ADGRL1: variants seen among roughly 807,000 people sequenced by gnomAD.
The protein encoded by ADGRL1 is adhesion G protein-coupled receptor L1.
In ADGRL1, 31 loss-of-function variants were observed where a neutral mutation model predicts 148.9. The ratio of observed to expected loss-of-function variants is 0.21; its 90% CI spans 0.16 to 0.28. The LOEUF is 0.28. Among genes scored for constraint, ADGRL1 ranks in the 10% least tolerant of loss-of-function variants. ADGRL1 has a pLI of 1.00. For missense variants in ADGRL1, 1,521 were observed against 2,058.8 expected (o/e 0.74, Z 5.05); for synonymous variants, 937 against 900.3 (o/e 1.04, Z -0.73).
rs1967920960 is a variant in ADGRL1 at position 14,149,341 on chromosome 19, C to T, written c.*1532G>A. ...AGGGAAGGTGATCTCTCACCTTTGC[C>T]CCTCCCCATCCCCCAGACCGCCTTG... On this transcript the variant is annotated 3_prime_UTR_variant, in exon 23 of 23. Coordinates refer to ENST00000361434, the MANE Select transcript of ADGRL1 (RefSeq NM_014921.5). The T allele has an allele frequency of 6.6e-6, 1 of 152,506 alleles. No individual in the cohort carries two copies. Among genetic ancestry groups the T allele is most frequent in the African/African-American group, 2.4e-5 (1 of 41,446 alleles). 9.4% of individuals were successfully genotyped at this position (152,506 alleles called of 1,614,324 possible). A position where few individuals can be genotyped will look rare whatever the true frequency, so the allele number is the denominator to read the frequency against.
At position 14,151,008 on chromosome 19, in the gene ADGRL1, G is replaced by T; in HGVS notation, c.4275C>A (p.Ala1425=). Residue 1425 remains alanine (A), a synonymous_variant, in exon 23 of 23, where the codon GCC becomes GCA. Coordinates refer to ENST00000361434, the MANE Select transcript of ADGRL1 (RefSeq NM_014921.5). ...PEIYYTSRPP[A]LVARNPLQGY... is the part of the protein sequence containing the mutation. ...CCTGCAGGGGATTCCGGGCCACCAG[G>T]GCTGGCGGGCGCGAGGTGTAGTAGA... 6.3e-7 allele frequency: 1 copy of T among 1,577,930 alleles called. No individual in the cohort carries two copies. Among genetic ancestry groups the T allele is most frequent in the Admixed American group, 1.8e-5 (1 of 54,736 alleles).
intron 16 of ADGRL1, 128 bp from the exon 17 acceptor site, chr19:14,156,329 C>T (rs1340072332): frequency 4.0e-6 from 3 of 756,706 alleles, no homozygotes; most frequent in Non-Finnish European, 6.7e-6. Flanking sequence ...AACCCCGTAC[C>T]TGCCCCTGAG....
chr19:14,184,286 CAGGCGGGGTGGG>C (rs1256278513), intron 1 of ADGRL1, among the ~76,000 whole-genome samples: 1 of 152,142 alleles, frequency 6.6e-6, no homozygotes, highest in African/African-American at 2.4e-5. Context: ...TGGAGACAGG[CAGGCGGGGTGGG>C]AGGCGGACAC....
chr19:14,183,226 A>AGAGAGAGAGAGAGAGAGAGAGAGAGG (rs1568616307), intron 2 of ADGRL1, among the ~76,000 whole-genome samples: 1 of 144,628 alleles, frequency 6.9e-6, no homozygotes, highest in Non-Finnish European at 1.6e-5. Context: ...AGCGAGAGAG[A>AGAGAGAGAGAGAGAGAGAGAGAGAGG]GACAGAGAGA....
chr19:14,152,815 C>T lies in ADGRL1; in HGVS notation c.3392G>A (p.Arg1131Gln), dbSNP rs1044476697. 5 of 1,614,004 alleles carry T rather than the reference C, an allele frequency of 3.1e-6. No homozygotes were observed. Among genetic ancestry groups the T allele is most frequent in the Admixed American group, 1.7e-5 (1 of 59,996 alleles). ...THGSLKTSAM[R>Q]SNTRYYTGTQ... Reference sequence around the variant, plus strand: ...CCCTGTGTAGTAGCGGGTGTTGCTTCGCATGGCTGAGGTCTTGAGGGATCC... The same window carrying T: ...CCCTGTGTAGTAGCGGGTGTTGCTTTGCATGGCTGAGGTCTTGAGGGATCC... The change falls in exon 19 of 23, where the codon CGA becomes CAA. Residue 1131 changes from arginine (R) to glutamine (Q), a missense_variant. By Grantham distance (43) the Arg-to-Gln change is conservative. Around this residue, in one of 8 missense-constraint regions of ADGRL1, gnomAD observed 185 missense variants for 251.7 expected, o/e 0.74. Coordinates refer to ENST00000361434, the MANE Select transcript of ADGRL1 (RefSeq NM_014921.5). The surrounding 1 kb of genome is among the most constrained non-coding windows in gnomAD (Gnocchi z 6.1).
intron 4 of ADGRL1, among the ~76,000 whole-genome samples, chr19:14,165,349 C>T (rs554210650): frequency 4.6e-4 from 70 of 152,314 alleles, no homozygotes; most frequent in East Asian, 2.5e-3. Context: ...CAAGCCGGTC[C>T]CCACCCCCAC....
chr19:14,195,609 G>T (rs1469530332), intron 1 of ADGRL1, among the ~76,000 whole-genome samples: 1 of 152,036 alleles, frequency 6.6e-6, no homozygotes, highest in African/African-American at 2.4e-5. Context: ...AAACCCAGCC[G>T]CCCATGAGCC....
At chr19:14,165,013 C>T (rs545118816) in intron 4 of ADGRL1, among the ~76,000 whole-genome samples, 24 of 152,212 alleles carry the variant, frequency 1.6e-4, no homozygotes, top group African/African-American at 5.5e-4. Context: ...CCGAGGGGAT[C>T]GGGGGGCTGG....
chr19:14,162,485 T>A lies in ADGRL1; in HGVS notation c.1195+121A>T. On this transcript the variant is annotated intron_variant, in intron 5 of 22. Coordinates refer to ENST00000361434, the MANE Select transcript of ADGRL1 (RefSeq NM_014921.5). This position sits in a 1 kb window ranked among gnomAD's most constrained non-coding sequence, Gnocchi z 5.4. ...CGTCTGTCACATGCTGTGAATTTCC[T>A]TTACCTCCCGATCCCCAAGAGCTCA... 1.2e-6 allele frequency: 1 copy of A among 832,564 alleles called. No homozygotes were observed. The highest frequency in any genetic ancestry group is 1.9e-6 in the Non-Finnish European group (1 of 527,054). The allele number at this position is 832,564 out of a possible 1,614,324, so 51.6% of individuals were successfully genotyped here. A position where few individuals can be genotyped will look rare whatever the true frequency, so the allele number is the denominator to read the frequency against.
intron 1 of ADGRL1, among the ~76,000 whole-genome samples, chr19:14,199,512 G>A (rs1392675012): frequency 4.6e-5 from 7 of 151,814 alleles, no homozygotes; most frequent in Admixed American, 1.3e-4. Context: ...GCTCACCACA[G>A]CCTCTGAGCT....
In ADGRL1 at chr19:14,155,839, T is replaced by A; in HGVS notation, c.3125+271A>T. The A allele has an allele frequency of 1.7e-6, 1 of 579,060 alleles. No homozygotes were observed. Among genetic ancestry groups the A allele is most frequent in the South Asian group, 2.1e-5 (1 of 47,016 alleles). 35.9% of individuals were successfully genotyped at this position (579,060 alleles called of 1,614,324 possible). A position where few individuals can be genotyped will look rare whatever the true frequency, so the allele number is the denominator to read the frequency against. The stretch of plus-strand genomic sequence containing the variant: ...ATTTGCTGCCTATTTCTCTTTAAGT[T>A]GCCCTTAAACAGACTCACCTTTTGA... On this transcript the variant is annotated intron_variant, in intron 17 of 22. Transcript: ENST00000361434. The surrounding 1 kb of genome is among the most constrained non-coding windows in gnomAD (Gnocchi z 5.0).
rs1968082793 is a variant in ADGRL1 at position 14,150,819 on chromosome 19, G to A, written c.*54C>T. ...TGTCTCCCTCTCCCACCAGAGCCCT[G>A]CCCAGGGTTCCCTCCCTGGCCTGGG... On this transcript the variant is annotated 3_prime_UTR_variant, in exon 23 of 23. Transcript: ENST00000361434. 2 of 1,579,498 alleles carry A rather than the reference G, an allele frequency of 1.3e-6. No individual in the cohort carries two copies. The highest frequency in any genetic ancestry group is 2.2e-5 in the East Asian group (1 of 44,580).
chr19:14,167,119 T>A, intron 4 of ADGRL1: 1 of 1,139,994 alleles, frequency 8.8e-7, no homozygotes, highest in Non-Finnish European at 1.3e-6. Flanking sequence ...ATTAAATTGC[T>A]TTCGTTTCTT....
chr19:14,163,490 GA>G (rs1487671575), intron 4 of ADGRL1, 84 bp from the exon 5 acceptor site: 237 of 1,048,570 alleles, frequency 2.3e-4, no homozygotes, highest in South Asian at 9.1e-4. Flanking sequence ...GAGAGAGAGA[GA>G]GAGAGAGGGG....
chr19:14,177,553 C>T lies in ADGRL1; in HGVS notation c.262G>A (p.Ala88Thr), dbSNP rs202194686. ...MENVQCYLPD[A>T]FKIMSQRCNN... The stretch of plus-strand genomic sequence containing the variant: ...CACCTCTGTGACATGATCTTGAAGG[C>T]GTCCGGCAGGTAGCACTGCACATTC... The change falls in exon 3 of 23, where the codon GCC becomes ACC. Residue 88 changes from alanine (A) to threonine (T), a missense_variant. By Grantham distance (58) the Ala-to-Thr change is moderately conservative. Coordinates refer to ENST00000361434, the MANE Select transcript of ADGRL1 (RefSeq NM_014921.5). 9.0e-5 allele frequency: 146 copies of T among 1,614,070 alleles called. No homozygotes were observed. Among genetic ancestry groups the T allele is most frequent in the Non-Finnish European group, 1.2e-4 (138 of 1,180,036 alleles).
In ADGRL1 at chr19:14,158,486, G is replaced by A; in HGVS notation, c.2216C>T (p.Thr739Ile). The change falls in exon 12 of 23, where the codon ACA (threonine) becomes ATA (isoleucine). Residue 739 changes from threonine to isoleucine, a missense_variant. Physicochemically the swap from Thr to Ile is moderately conservative, Grantham distance 89 (BLOSUM62 -1). Around this residue, in one of 8 missense-constraint regions of ADGRL1, gnomAD observed 265 missense variants for 431.9 expected, o/e 0.61. Coordinates refer to ENST00000361434, the MANE Select transcript of ADGRL1 (RefSeq NM_014921.5). Reference protein sequence around the residue: ...LGLFLSTENATVKLAGEAGPG... With the variant: ...LGLFLSTENAIVKLAGEAGPG... The stretch of plus-strand genomic sequence containing the variant: ...GCCTGCTTCGCCGGCCAGCTTCACT[G>A]TGGCATTCTCCGTGGACAGGAAGAG... 6.2e-7 allele frequency: 1 copy of A among 1,614,064 alleles called. No individual in the cohort carries two copies. Among genetic ancestry groups the A allele is most frequent in the Non-Finnish European group, 8.5e-7 (1 of 1,180,026 alleles).
Position 14,170,781 on chromosome 19 carries a change from G to T in ADGRL1, c.295C>A (p.Arg99Ser). 2 of 1,592,464 alleles carry T rather than the reference G, an allele frequency of 1.3e-6. No individual in the cohort carries two copies. Among genetic ancestry groups the T allele is most frequent in the South Asian group, 1.1e-5 (1 of 90,296 alleles). Reference sequence around the variant, plus strand: ...CCGGCGACCACCACGCACTGGGTGCGGTTGTTACACCTTCAGAGGAGAAAC... The same window carrying T: ...CCGGCGACCACCACGCACTGGGTGCTGTTGTTACACCTTCAGAGGAGAAAC... ...FKIMSQRCNN[R>S]TQCVVVAGSD... Residue 99 changes from arginine (R) to serine (S), a missense_variant, in exon 4 of 23, where the codon CGC (arginine) becomes AGC (serine). By Grantham distance (110) the Arg-to-Ser change is moderately radical. Transcript: ENST00000361434.
chr19:14,161,355 C>T lies in ADGRL1; in HGVS notation c.1467G>A (p.Gln489=), dbSNP rs1469192286. 6.3e-7 allele frequency: 1 copy of T among 1,588,636 alleles called. No homozygotes were observed. The highest frequency in any genetic ancestry group is 8.5e-7 in the Non-Finnish European group (1 of 1,169,724). ...EVRRVQWPAT[Q]QGMLVERPCP... ...AGGGCCTCTCCACCAGCATGCCCTG[C>T]TGGGTGGCCGGCCACTGGACCCGCC... is the stretch of plus-strand genomic sequence containing the variant. The change falls in exon 6 of 23, where the codon CAG becomes CAA. Residue 489 remains glutamine, a synonymous_variant. Transcript: ENST00000361434. This position sits in a 1 kb window ranked among gnomAD's most constrained non-coding sequence, Gnocchi z 4.4.
chr19:14,161,923 A>C lies in ADGRL1; in HGVS notation c.1196-297T>G. 6.6e-6 allele frequency among the ~76,000 whole-genome samples: 1 copy of C among 152,064 alleles called. No individual in the cohort carries two copies. The highest frequency in any genetic ancestry group is 1.5e-5 in the Non-Finnish European group (1 of 67,998). ...GGGACAGAGGTGTCTGGGGGACAGG[A>C]ATCCTCCCAGGTTGAGCCCGAGGGC... On this transcript the variant is annotated intron_variant, in intron 5 of 22. Transcript: ENST00000361434. The surrounding 1 kb of genome is among the most constrained non-coding windows in gnomAD (Gnocchi z 4.4).
Sources: gnomAD v4.1 joint callset for allele counts (sites outside exome capture counted in the v4.1 genomes callset) on GRCh38, gnomAD v4.1.1 for gene constraint, gnomAD v4.1.1 regional missense constraint, Gnocchi (gnomAD v3.1) non-coding constraint, MANE v1.5 for transcripts, NCBI Gene and HGNC (gene_info 2026-07-23, HGNC 2026-07-21) for gene names.